Variants in PCDHA3 observed in about 807,000 individuals in gnomAD.
PCDHA3 encodes protocadherin alpha 3.
In PCDHA3, 41 loss-of-function variants were observed where a neutral mutation model predicts 62.2. The ratio of observed to expected loss-of-function variants is 0.66; its 90% CI spans 0.51 to 0.86. PCDHA3 has a LOEUF of 0.86. Among genes scored for constraint, PCDHA3 ranks in the 40% least tolerant of loss-of-function variants. The pLI is 0.00. For missense variants in PCDHA3, 1,304 were observed against 1,241.2 expected, an observed-to-expected ratio of 1.05 and a Z score of -0.76; for synonymous variants, 640 against 555.4, an observed-to-expected ratio of 1.15 and a Z score of -2.14.
chr5:140,810,151 T>C (rs1764605349), intron 1 of PCDHA3: 1 of 152,430 alleles, frequency 6.6e-6, no homozygotes, highest in Non-Finnish European at 1.5e-5. Context: ...GTTTATGAAA[T>C]TATCCATGTT....
chr5:140,969,203 G>A (rs781962982), intron 1 of PCDHA3: 2 of 1,614,178 alleles, frequency 1.2e-6, no homozygotes, highest in Non-Finnish European at 8.5e-7. Flanking sequence ...CAATACAGGG[G>A]CCCAGACAGG....
intron 1 of PCDHA3, chr5:140,968,722 T>A (rs1379540261): frequency 6.2e-7 from 1 of 1,613,728 alleles, no homozygotes; most frequent in Non-Finnish European, 8.5e-7. Context: ...GAGATGAGAG[T>A]GGTAGCACTT....
intron 1 of PCDHA3, chr5:140,853,147 G>C (rs1171856097): frequency 1.2e-6 from 1 of 825,412 alleles, no homozygotes; most frequent in Admixed American, 6.4e-5. Context: ...CCAAAATGCT[G>C]GGATTACAGG....
chr5:140,958,492 A>G (rs2095426229), intron 1 of PCDHA3, among the ~76,000 whole-genome samples: 1 of 152,112 alleles, frequency 6.6e-6, no homozygotes, highest in Non-Finnish European at 1.5e-5. Context: ...AAGTCCACAT[A>G]TCCTAGGAGG....
At chr5:140,984,975 T>A (rs571343368) in intron 3 of PCDHA3, among the ~76,000 whole-genome samples, 1 of 152,128 alleles carries the variant, frequency 6.6e-6, no homozygotes, top group Admixed American at 6.5e-5. Flanking sequence ...TCTCGCTCTG[T>A]CCCCCAGGCT....
intron 1 of PCDHA3, among the ~76,000 whole-genome samples, chr5:140,881,872 A>C (rs907896928): frequency 6.6e-6 from 1 of 152,240 alleles, no homozygotes; most frequent in South Asian, 2.1e-4. Context: ...TTGTGGCAAA[A>C]TGAAACTCAT....
chr5:140,870,344 G>A (rs782661960), intron 1 of PCDHA3: 1 of 1,614,196 alleles, frequency 6.2e-7, no homozygotes, highest in Admixed American at 1.7e-5. Flanking sequence ...GCCCTGGACC[G>A]CGAGAACGTG....
intron 1 of PCDHA3, chr5:140,857,675 C>T (rs1343696069): frequency 3.1e-6 from 5 of 1,596,928 alleles, no homozygotes; most frequent in Admixed American, 3.4e-5. Context: ...GGGCGTGCCG[C>T]CTCTGGGCAG....
At chr5:140,853,592 T>A in intron 1 of PCDHA3, 2 of 987,050 alleles carry the variant, frequency 2.0e-6, no homozygotes, top group Non-Finnish European at 1.2e-6. Context: ...TTAGACACTT[T>A]GAGAGCAAAG....
At chr5:140,922,210 A>AAC (rs2080722350) in intron 1 of PCDHA3, among the ~76,000 whole-genome samples, 2 of 152,232 alleles carry the variant, frequency 1.3e-5, no homozygotes, top group Admixed American at 1.3e-4. Context: ...GAAACTTTGT[A>AAC]AAACATTTGA....
intron 1 of PCDHA3, among the ~76,000 whole-genome samples, chr5:140,901,955 G>A (rs2069015305): frequency 6.6e-6 from 1 of 151,848 alleles, no homozygotes; most frequent in Admixed American, 6.6e-5. Flanking sequence ...TTTTATTCGT[G>A]GCTATCGTAA....
intron 1 of PCDHA3, among the ~76,000 whole-genome samples, chr5:140,975,429 C>T (rs1006180121): frequency 2.6e-5 from 4 of 152,208 alleles, no homozygotes; most frequent in African/African-American, 9.6e-5. Flanking sequence ...AGGGTGTGCA[C>T]ACCAGGATAT....
At chr5:140,946,634 A>ATATATAT (rs1554217761) in intron 1 of PCDHA3, among the ~76,000 whole-genome samples, 3 of 147,376 alleles carry the variant, frequency 2.0e-5, no homozygotes, top group African/African-American at 5.1e-5. Context: ...ATATATATAC[A>ATATATAT]ATGGAATACT....
chr5:140,866,519 A>G (rs940195026), intron 1 of PCDHA3: 8 of 152,312 alleles, frequency 5.3e-5, no homozygotes, highest in African/African-American at 1.9e-4. Context: ...TGACTAAGCC[A>G]TGATAGAGCA....
intron 1 of PCDHA3, chr5:140,842,083 C>G: frequency 6.2e-7 from 1 of 1,613,822 alleles, no homozygotes; most frequent in Non-Finnish European, 8.5e-7. Flanking sequence ...TATTCGAAAA[C>G]GCAGACAACG....
chr5:140,983,221 A>G (rs1178098444), intron 3 of PCDHA3, among the ~76,000 whole-genome samples: 1 of 152,196 alleles, frequency 6.6e-6, no homozygotes, highest in Non-Finnish European at 1.5e-5. Context: ...TCCTAATCCA[A>G]ACTTTCAGGA....
intron 1 of PCDHA3, chr5:140,821,951 T>C: frequency 1.2e-6 from 2 of 1,614,172 alleles, no homozygotes; most frequent in East Asian, 4.5e-5. Context: ...GCGGAGCTGG[T>C]GCCGCGCCTG....
At chr5:140,822,596 A>G in intron 1 of PCDHA3, 1 of 1,612,122 alleles carries the variant, frequency 6.2e-7, no homozygotes, top group Non-Finnish European at 8.5e-7. Flanking sequence ...GGCATCAATA[A>G]GGAAATAGTG....
intron 1 of PCDHA3, chr5:140,811,423 G>A (rs954337823): frequency 1.3e-5 from 2 of 152,158 alleles, no homozygotes; most frequent in African/African-American, 4.8e-5. Flanking sequence ...GGACATTTGG[G>A]TTGGTTCCAA....
Sources: gnomAD v4.1 joint callset for allele counts (sites outside exome capture counted in the v4.1 genomes callset) on GRCh38, gnomAD v4.1.1 for gene constraint, MANE v1.5 for transcripts, NCBI Gene and HGNC (gene_info 2026-07-23, HGNC 2026-07-21) for gene names.